ITPKC: variants seen among roughly 807,000 people sequenced by gnomAD.
The protein encoded by ITPKC is inositol-trisphosphate 3-kinase C.
ITPKC carries 33 observed loss-of-function variants against 67.1 expected under a neutral mutation model. The observed-to-expected ratio is 0.49, with a 90% confidence interval of 0.37 to 0.66. The LOEUF is 0.66. ITPKC is among the 30% of genes least tolerant of loss of function. ITPKC has a pLI of 0.00. For synonymous variants in ITPKC, 341 were observed against 359.8 expected (o/e 0.95, Z 0.59); for missense variants, 820 against 892.1 (o/e 0.92, Z 1.03).
chr19:40,735,600 G>T (rs543009915), intron 4 of ITPKC, among the ~76,000 whole-genome samples: 87 of 152,096 alleles, frequency 5.7e-4, no homozygotes, highest in South Asian at 2.7e-3. Context: ...CCTGATTTCT[G>T]TTCTACTGAT....
Position 40,733,295 on chromosome 19 carries a change from C to G in ITPKC, c.1605C>G (p.Pro535=), listed in dbSNP as rs2082280296. 3 of 1,614,000 alleles carry G rather than the reference C, an allele frequency of 1.9e-6. No homozygotes were observed. Among genetic ancestry groups the G allele is most frequent in the Non-Finnish European group, 2.5e-6 (3 of 1,179,956 alleles). ...EEHAQGAVTK[P]RYMQWRETMS... Reference sequence around the variant, plus strand: ...ATGCCCAGGGTGCAGTCACCAAGCCCCGCTACATGCAGTGGAGGGAAACCA... The same window carrying G: ...ATGCCCAGGGTGCAGTCACCAAGCCGCGCTACATGCAGTGGAGGGAAACCA... Residue 535 remains proline (P), a synonymous_variant, in exon 4 of 7, where the codon CCC becomes CCG. Coordinates refer to ENST00000263370, the MANE Select transcript of ITPKC (RefSeq NM_025194.3).
At chr19:40,731,533 G>A (rs1028407607) in intron 3 of ITPKC, among the ~76,000 whole-genome samples, 1 of 151,050 alleles carries the variant, frequency 6.6e-6, no homozygotes, top group Admixed American at 6.6e-5. Context: ...CTCCCTGGGC[G>A]CACCACGCTC....
In ITPKC at chr19:40,718,085, C is replaced by G. The variant is rs982567602; in HGVS notation, c.950C>G (p.Ser317Cys). The change falls in exon 1 of 7, where the codon TCT becomes TGT. Residue 317 changes from serine to cysteine, a missense_variant. Physicochemically the swap from Ser to Cys is moderately radical, Grantham distance 112. Transcript: ENST00000263370. ...EPGELLTHLY[S>C]HLKCSPLCPV... is the part of the protein sequence containing the mutation. ...GGAGAATTGCTGACTCACCTGTACT[C>G]TCACCTGAAGTGTAGCCCCCTGTGC... 2 of 1,613,854 alleles carry G rather than the reference C, an allele frequency of 1.2e-6. No homozygotes were observed. The highest frequency in any genetic ancestry group is 1.7e-5 in the Admixed American group (1 of 60,010).
In ITPKC at chr19:40,717,522, A is replaced by G. The variant is rs778546916; in HGVS notation, c.387A>G (p.Ser129=). 3 of 1,614,124 alleles carry G rather than the reference A, an allele frequency of 1.9e-6. No individual in the cohort carries two copies. The highest frequency in any genetic ancestry group is 1.1e-5 in the South Asian group (1 of 91,080). The change falls in exon 1 of 7, where the codon TCA becomes TCG. Residue 129 remains serine, a synonymous_variant. Coordinates refer to ENST00000263370, the MANE Select transcript of ITPKC (RefSeq NM_025194.3). ...GGACGCATCTAGAATGGAGCTGGTC[A>G]GAGCTGGAGACGACTTGTCTTTGGA... ...SLRTHLEWSW[S]ELETTCLWTE...
intron 2 of ITPKC, among the ~76,000 whole-genome samples, chr19:40,726,078 T>C (rs1568449126): frequency 5.9e-5 from 9 of 151,986 alleles, no homozygotes. Flanking sequence ...CCTTCTCTAC[T>C]AAAAATAAAA....
At chr19:40,730,650 G>A (rs2082266605) in intron 3 of ITPKC, among the ~76,000 whole-genome samples, 1 of 152,040 alleles carries the variant, frequency 6.6e-6, no homozygotes, top group African/African-American at 2.4e-5. Flanking sequence ...GGCTGGTCTT[G>A]AACCCCTGAG....
At chr19:40,731,258 G>A (rs75238712) in intron 3 of ITPKC, among the ~76,000 whole-genome samples, 4,695 of 152,254 alleles carry the variant, frequency 0.031, 229 homozygotes, top group African/African-American at 0.1. Flanking sequence ...TCAGACTAGC[G>A]GGCAGGAGAT....
rs1331722118 is a variant in ITPKC at position 40,737,703 on chromosome 19, G to A, written c.1782G>A (p.Lys594=). Residue 594 remains lysine, a synonymous_variant, in exon 6 of 7, where the codon AAG becomes AAA. Transcript: ENST00000263370. ...FVDGDHVILQ[K]YVACLEELRE... is the part of the protein sequence containing the mutation. ...GAACGCTCCCTGTCACACAGCAAAA[G>A]TACGTGGCATGCCTAGAAGAACTTC... 6.2e-7 allele frequency: 1 copy of A among 1,614,140 alleles called. No homozygotes were observed. The highest frequency in any genetic ancestry group is 8.5e-7 in the Non-Finnish European group (1 of 1,179,994).
rs1367079890 is a variant in ITPKC at position 40,740,283 on chromosome 19, CTG to C, written c.*726_*727del. The C allele has an allele frequency of 6.5e-6, 1 of 153,424 alleles. No individual in the cohort carries two copies. Among genetic ancestry groups the C allele is most frequent in the African/African-American group, 2.4e-5 (1 of 41,496 alleles). The allele number at this position is 153,424 out of a possible 1,614,324, so 9.5% of individuals were successfully genotyped here. On this transcript the variant is annotated 3_prime_UTR_variant, in exon 7 of 7. Coordinates refer to ENST00000263370, the MANE Select transcript of ITPKC (RefSeq NM_025194.3). Reference sequence around the variant, plus strand: ...CCACATCCCAGCTTCTGTGCCAGCACTGTGACAGTACCTCGCTCCTCTGTGCA... The same window carrying C: ...CCACATCCCAGCTTCTGTGCCAGCACTGACAGTACCTCGCTCCTCTGTGCA...
intron 4 of ITPKC, among the ~76,000 whole-genome samples, chr19:40,735,266 C>G (rs2144753350): frequency 6.6e-6 from 1 of 152,252 alleles, no homozygotes; most frequent in Admixed American, 6.5e-5. Context: ...CAGTGAAGCA[C>G]TTGCATTTAC....
chr19:40,732,510 C>T (rs918589500), intron 3 of ITPKC, among the ~76,000 whole-genome samples: 3 of 122,648 alleles, frequency 2.4e-5, no homozygotes, highest in African/African-American at 9.9e-5. Context: ...CACTCTAGCT[C>T]GGGCGGGCGT....
In ITPKC at chr19:40,717,198, G is replaced by T; in HGVS notation, c.63G>T (p.Ala21=). 2 of 1,224,428 alleles carry T rather than the reference G, an allele frequency of 1.6e-6. No homozygotes were observed. Among genetic ancestry groups the T allele is most frequent in the Non-Finnish European group, 2.0e-6 (2 of 983,504 alleles). 75.8% of individuals were successfully genotyped at this position (1,224,428 alleles called of 1,614,324 possible). The change falls in exon 1 of 7, where the codon GCG becomes GCT. Residue 21 remains alanine, a synonymous_variant. Coordinates refer to ENST00000263370, the MANE Select transcript of ITPKC (RefSeq NM_025194.3). Reference sequence around the variant, plus strand: ...CGGAGGCCGGGGCGCTGCCCGCGGCGGCCCGCATGGGACTGGAGGCGCCGC... The same window carrying T: ...CGGAGGCCGGGGCGCTGCCCGCGGCTGCCCGCATGGGACTGGAGGCGCCGC... ...NEAEAGALPA[A]ARMGLEAPRG...
chr19:40,726,369 T>C (rs2082246692), intron 2 of ITPKC, among the ~76,000 whole-genome samples: 1 of 152,196 alleles, frequency 6.6e-6, no homozygotes. Flanking sequence ...CCCAGGACCT[T>C]GCAAATGCCT....
Position 40,717,229 on chromosome 19 carries a change from G to GGGC in ITPKC, c.104_106dup (p.Arg35dup), listed in dbSNP as rs1222795650. 4.0e-6 allele frequency: 5 copies of GGGC among 1,237,882 alleles called. No homozygotes were observed. Among genetic ancestry groups the GGGC allele is most frequent in the Admixed American group, 4.3e-5 (1 of 23,226 alleles). 76.7% of individuals were successfully genotyped at this position (1,237,882 alleles called of 1,614,324 possible). ...CATGGGACTGGAGGCGCCGCGAGGA[G>GGGC]GGCGGCGGCGGCAGCCGGGACAGCA... On this transcript the variant is annotated inframe_insertion, in exon 1 of 7. Transcript: ENST00000263370.
intron 2 of ITPKC, among the ~76,000 whole-genome samples, chr19:40,727,826 T>G (rs1225871120): frequency 2.0e-5 from 3 of 152,204 alleles, no homozygotes; most frequent in Non-Finnish European, 4.4e-5. Flanking sequence ...TATTTATTCA[T>G]TTAATTTTGA....
chr19:40,723,411 G>T (rs1176665328), intron 1 of ITPKC, among the ~76,000 whole-genome samples: 1 of 151,914 alleles, frequency 6.6e-6, no homozygotes, highest in African/African-American at 2.4e-5. Flanking sequence ...GGTTTCCTTT[G>T]TTCTCTCTCT....
chr19:40,724,401 AAAAC>A (rs991506987), intron 1 of ITPKC, among the ~76,000 whole-genome samples: 6 of 152,176 alleles, frequency 3.9e-5, no homozygotes, highest in East Asian at 3.8e-4. Flanking sequence ...AAAACAAAAC[AAAAC>A]AAACAAAAAA....
intron 2 of ITPKC, among the ~76,000 whole-genome samples, chr19:40,725,841 C>T (rs1040802795): frequency 1.1e-4 from 16 of 152,032 alleles, no homozygotes; most frequent in Non-Finnish European, 2.2e-4. Flanking sequence ...CGGTGGCTTA[C>T]ATCTGTAATC....
chr19:40,719,208 A>T (rs909621152), intron 1 of ITPKC, among the ~76,000 whole-genome samples: 9 of 151,970 alleles, frequency 5.9e-5, no homozygotes, highest in African/African-American at 1.9e-4. Flanking sequence ...TTCCTTGGGG[A>T]CGTGTTCACA....
Sources: gnomAD v4.1 joint callset for allele counts (sites outside exome capture counted in the v4.1 genomes callset) on GRCh38, gnomAD v4.1.1 for gene constraint, MANE v1.5 for transcripts, NCBI Gene and HGNC (gene_info 2026-07-23, HGNC 2026-07-21) for gene names.